EMCN: variants seen among roughly 807,000 people sequenced by gnomAD.
The protein encoded by EMCN is MUC-14.
In EMCN, 37 loss-of-function variants were observed where a neutral mutation model predicts 38.4. The observed-to-expected ratio is 0.96, with a 90% CI of 0.74 to 1.27. EMCN has a LOEUF of 1.27. Ranked by LOEUF, EMCN falls within the 50% of genes most tolerant of loss-of-function variation. The pLI, the probability that EMCN is intolerant of heterozygous loss-of-function variation, is 0.00. For missense variants in EMCN, 318 were observed against 302.8 expected, an observed-to-expected ratio of 1.05 and a Z score of -0.37; for synonymous variants, 95 against 100.8, an observed-to-expected ratio of 0.94 and a Z score of 0.35.
chr4:100,418,006 T>C (rs1328014708), intron 8 of EMCN, among the ~76,000 whole-genome samples: 1 of 152,160 alleles, frequency 6.6e-6, no homozygotes, highest in Non-Finnish European at 1.5e-5. Flanking sequence ...GCTTTGACTA[T>C]CCTTGTTTTA....
chr4:100,437,486 A>G (rs6838262), intron 5 of EMCN, among the ~76,000 whole-genome samples: 62,882 of 151,484 alleles, frequency 0.42, 13,894 homozygotes, highest in East Asian at 0.77. Context: ...TCTGAGGCCA[A>G]TGCCCAGCAG....
intron 11 of EMCN, among the ~76,000 whole-genome samples, chr4:100,399,993 T>C (rs1265497054): frequency 6.6e-6 from 1 of 152,170 alleles, no homozygotes; most frequent in Non-Finnish European, 1.5e-5. Flanking sequence ...CATTAGTGAA[T>C]GAAGAAAGTT....
At chr4:100,444,263 G>T (rs1306876580) in intron 5 of EMCN, among the ~76,000 whole-genome samples, 1 of 152,216 alleles carries the variant, frequency 6.6e-6, no homozygotes, top group Admixed American at 6.5e-5. Context: ...TCTGGCCCCA[G>T]AAATCATGTC....
chr4:100,433,855 C>T (rs952166766), intron 5 of EMCN, among the ~76,000 whole-genome samples: 1 of 152,078 alleles, frequency 6.6e-6, no homozygotes, highest in Admixed American at 6.6e-5. Context: ...ATACTATTTT[C>T]TATAATGGCT....
At chr4:100,508,369 T>C (rs1214031523) in intron 1 of EMCN, among the ~76,000 whole-genome samples, 1 of 152,216 alleles carries the variant, frequency 6.6e-6, no homozygotes, top group African/African-American at 2.4e-5. Context: ...TTGCCAAATA[T>C]ATTCTTTTTT....
chr4:100,432,454 G>T (rs1177231225), intron 5 of EMCN, among the ~76,000 whole-genome samples: 1 of 152,068 alleles, frequency 6.6e-6, no homozygotes, highest in African/African-American at 2.4e-5. Flanking sequence ...CTTAGTAACT[G>T]CTAATGGCAG....
chr4:100,400,461 A>C (rs558008861), intron 11 of EMCN, among the ~76,000 whole-genome samples: 23 of 152,082 alleles, frequency 1.5e-4, no homozygotes, highest in Non-Finnish European at 2.9e-4. Context: ...CTGTCTTTAC[A>C]TAACACTATG....
intron 3 of EMCN, among the ~76,000 whole-genome samples, chr4:100,470,340 C>A (rs899832268): frequency 1.3e-5 from 2 of 150,510 alleles, no homozygotes; most frequent in Non-Finnish European, 3.0e-5. Flanking sequence ...CAATGAGATA[C>A]CCTCTCACAC....
rs141019423 is a variant in EMCN, at chr4:100,448,468, T to C, written c.377-897A>G. 1.3e-3 allele frequency among the ~76,000 whole-genome samples: 202 copies of C among 152,266 alleles called. 1 individual carries two copies. Among genetic ancestry groups the C allele is most frequent in the African/African-American group, 4.0e-3 (168 of 41,552 alleles). On this transcript the variant is annotated intron_variant, in intron 4 of 11. Transcript: ENST00000296420. ...TTGGTTCAATACGTGGTGCCATTTG[T>C]TTTCCAGTTGCACAAAACAAAACGT... is the stretch of plus-strand genomic sequence containing the variant.
chr4:100,437,717 C>T (rs1241320686), intron 5 of EMCN, among the ~76,000 whole-genome samples: 1 of 152,026 alleles, frequency 6.6e-6, no homozygotes, highest in Non-Finnish European at 1.5e-5. Context: ...TGACAGTACA[C>T]ATTTAGATTT....
At chr4:100,474,973 G>C in intron 3 of EMCN, 65 bp downstream of exon 3, 1 of 793,870 alleles carries the variant, frequency 1.3e-6, no homozygotes. Context: ...ACTTTAAAAG[G>C]GTGACTATTA....
chr4:100,438,204 G>A (rs1727409578), intron 5 of EMCN, among the ~76,000 whole-genome samples: 1 of 151,938 alleles, frequency 6.6e-6, no homozygotes, highest in East Asian at 1.9e-4. Context: ...GTAAGCTGAG[G>A]AGCATCTGGA....
chr4:100,457,192 G>T (rs939985053), intron 4 of EMCN, among the ~76,000 whole-genome samples: 5 of 92,106 alleles, frequency 5.4e-5, no homozygotes, highest in Non-Finnish European at 6.2e-5. Context: ...TAGTTTGGTT[G>T]TGTGTGTGTG....
intron 2 of EMCN, among the ~76,000 whole-genome samples, chr4:100,476,741 T>C (rs948734748): frequency 1.3e-5 from 2 of 152,210 alleles, no homozygotes; most frequent in African/African-American, 4.8e-5. Flanking sequence ...AAACATTTCA[T>C]ATTTTGTGAT....
intron 1 of EMCN, among the ~76,000 whole-genome samples, chr4:100,497,239 T>C (rs13143200): frequency 0.11 from 16,145 of 148,596 alleles, 1,021 homozygotes; most frequent in Admixed American, 0.15. Flanking sequence ...TTGTCTCTTG[T>C]TACTATTAAA....
chr4:100,424,591 G>A (rs1038389353), intron 5 of EMCN, among the ~76,000 whole-genome samples: 8 of 152,168 alleles, frequency 5.3e-5, no homozygotes, highest in Admixed American at 2.6e-4. Flanking sequence ...GAAGAATAAC[G>A]TTCAGAGTCT....
chr4:100,458,247 T>C (rs1265907679), intron 4 of EMCN, among the ~76,000 whole-genome samples: 10 of 152,172 alleles, frequency 6.6e-5, no homozygotes. Context: ...TGTTGGGAGG[T>C]TTATTTTATG....
intron 1 of EMCN, among the ~76,000 whole-genome samples, chr4:100,482,211 T>C (rs1354112196): frequency 6.6e-6 from 1 of 152,158 alleles, no homozygotes; most frequent in Admixed American, 6.6e-5. Flanking sequence ...GTCAGAGCTT[T>C]TTCCAAGTTG....
chr4:100,481,575 A>T (rs1448139888), intron 1 of EMCN, among the ~76,000 whole-genome samples: 1 of 152,056 alleles, frequency 6.6e-6, no homozygotes, highest in Non-Finnish European at 1.5e-5. Flanking sequence ...TCCCTACCCC[A>T]CAATATTCAG....
Sources: gnomAD v4.1 joint callset for allele counts (sites outside exome capture counted in the v4.1 genomes callset) on GRCh38, gnomAD v4.1.1 for gene constraint, MANE v1.5 for transcripts, NCBI Gene and HGNC (gene_info 2026-07-23, HGNC 2026-07-21) for gene names.